The following QRICH1 variants were observed in gnomAD, a reference collection of about 807,000 sequenced individuals.
QRICH1 encodes the protein glutamine rich 1, also known as transcriptional regulator QRICH1.
In QRICH1, 16 loss-of-function variants were observed where a neutral mutation model predicts 87.1. That is an observed-to-expected ratio of 0.18 (90% CI 0.12 to 0.28). The LOEUF is 0.28. Among genes scored for constraint, QRICH1 ranks in the 10% least tolerant of loss-of-function variants. The pLI is 1.00. For missense variants in QRICH1, 647 were observed against 951.7 expected, an observed-to-expected ratio of 0.68 and a Z score of 4.21; for synonymous variants, 367 against 368.4, an observed-to-expected ratio of 1.00 and a Z score of 0.05.
chr3:49,086,277 G>T (rs1248206035), intron 1 of QRICH1, among the ~76,000 whole-genome samples: 2 of 144,272 alleles, frequency 1.4e-5, no homozygotes, highest in Non-Finnish European at 3.0e-5. Context: ...TTTTTTTTGA[G>T]ATGGAGTCTC....
intron 6 of QRICH1, among the ~76,000 whole-genome samples, chr3:49,040,433 C>T (rs1317109377): frequency 6.6e-6 from 1 of 152,158 alleles, no homozygotes; most frequent in Non-Finnish European, 1.5e-5. Flanking sequence ...TACAGCAAGA[C>T]CTTGCTCTCC....
intron 1 of QRICH1, among the ~76,000 whole-genome samples, chr3:49,092,761 A>C (rs1201483359): frequency 6.6e-6 from 1 of 152,198 alleles, no homozygotes; most frequent in East Asian, 1.9e-4. Context: ...AAAGGACTGA[A>C]ATCCTACACC....
chr3:49,062,931 C>T (rs940709202), intron 2 of QRICH1, among the ~76,000 whole-genome samples: 20 of 151,264 alleles, frequency 1.3e-4, no homozygotes, highest in Non-Finnish European at 2.4e-4. Flanking sequence ...ACCTGGGAGG[C>T]GGAGTTTGCA....
At chr3:49,071,988 G>C (rs1255910401) in intron 2 of QRICH1, among the ~76,000 whole-genome samples, 4 of 152,114 alleles carry the variant, frequency 2.6e-5, no homozygotes, top group African/African-American at 9.7e-5. Context: ...CACCATGCCT[G>C]GGCCAGCCTT....
At chr3:49,064,176 C>T (rs530426225) in intron 2 of QRICH1, among the ~76,000 whole-genome samples, 1 of 151,592 alleles carries the variant, frequency 6.6e-6, no homozygotes, top group South Asian at 2.1e-4. Flanking sequence ...GGTGATCCGC[C>T]TGCCTCGGCC....
intron 2 of QRICH1, among the ~76,000 whole-genome samples, chr3:49,066,011 A>ATGG (rs2093466356): frequency 6.6e-6 from 1 of 151,994 alleles, no homozygotes; most frequent in Non-Finnish European, 1.5e-5. Context: ...CTGGCCAGGA[A>ATGG]TGGTAGCTCA....
At chr3:49,039,138 C>T (rs532238567) in intron 6 of QRICH1, among the ~76,000 whole-genome samples, 36 of 152,260 alleles carry the variant, frequency 2.4e-4, no homozygotes, top group Non-Finnish European at 4.6e-4. Flanking sequence ...GGGTGGATCA[C>T]CTGAGGTCAG....
intron 2 of QRICH1, among the ~76,000 whole-genome samples, chr3:49,073,234 T>C (rs1233323760): frequency 1.3e-5 from 2 of 152,118 alleles, no homozygotes; most frequent in Non-Finnish European, 2.9e-5. Flanking sequence ...AGGAGCCTGT[T>C]ATCTCACATA....
intron 1 of QRICH1, among the ~76,000 whole-genome samples, chr3:49,080,349 C>CA (rs1459291994): frequency 6.6e-6 from 1 of 151,356 alleles, no homozygotes; most frequent in Non-Finnish European, 1.5e-5. Context: ...TTTTAAGGTA[C>CA]AAAAGTAAAG....
chr3:49,072,395 G>A (rs1470526008), intron 2 of QRICH1, among the ~76,000 whole-genome samples: 1 of 151,976 alleles, frequency 6.6e-6, no homozygotes, highest in Non-Finnish European at 1.5e-5. Flanking sequence ...TGTTGGTGGT[G>A]TGCGCCTGTG....
At chr3:49,053,557 T>C (rs1559935223) in intron 3 of QRICH1, among the ~76,000 whole-genome samples, 1 of 149,394 alleles carries the variant, frequency 6.7e-6, no homozygotes, top group Non-Finnish European at 1.5e-5. Flanking sequence ...GATAAAAACA[T>C]ACTTGCTGGT....
chr3:49,090,892 T>A (rs1324030901), intron 1 of QRICH1, among the ~76,000 whole-genome samples: 3 of 152,144 alleles, frequency 2.0e-5, no homozygotes, highest in African/African-American at 7.2e-5. Flanking sequence ...ACTTAAAACA[T>A]CTGGAACAAA....
chr3:49,030,281 A>T lies in QRICH1; in HGVS notation c.*171T>A. ...AGGAGTCTGCCGCAGCAGGTTTATG[A>T]AGATGCAAAGGGGGCAAAGTTTTCT... On this transcript the variant is annotated 3_prime_UTR_variant, in exon 10 of 10. Transcript: ENST00000395443. 1 of 639,872 alleles carries T rather than the reference A, an allele frequency of 1.6e-6. No homozygotes were observed. The highest frequency in any genetic ancestry group is 2.6e-6 in the Non-Finnish European group (1 of 384,860). The allele number at this position is 639,872 out of a possible 1,614,324, so 39.6% of individuals were successfully genotyped here.
At chr3:49,070,342 A>G (rs1042828026) in intron 2 of QRICH1, among the ~76,000 whole-genome samples, 3 of 151,032 alleles carry the variant, frequency 2.0e-5, no homozygotes, top group African/African-American at 7.3e-5. Context: ...CTGGCCTTTC[A>G]TCACCTAATT....
At chr3:49,035,654 A>G (rs1295240380) in intron 6 of QRICH1, among the ~76,000 whole-genome samples, 5 of 151,906 alleles carry the variant, frequency 3.3e-5, no homozygotes, top group African/African-American at 1.2e-4. Context: ...ACCTTAAAAA[A>G]AAAAACAAAA....
chr3:49,078,341 C>T (rs2041991265), intron 1 of QRICH1, among the ~76,000 whole-genome samples: 1 of 150,126 alleles, frequency 6.7e-6, no homozygotes, highest in Non-Finnish European at 1.5e-5. Context: ...TCATATATAC[C>T]TGCTGCATTT....
Position 49,057,802 on chromosome 3 carries a change from A to G in QRICH1, c.398T>C (p.Ile133Thr), listed in dbSNP as rs2093411975. The change falls in exon 3 of 10, where the codon ATC becomes ACC. Residue 133 changes from isoleucine (I) to threonine (T), a missense_variant. By Grantham distance (89) the Ile-to-Thr change is moderately conservative. Around this residue, in one of 7 missense-constraint regions of QRICH1, gnomAD observed 156 missense variants for 164.5 expected, o/e 0.95. Coordinates refer to ENST00000395443, the MANE Select transcript of QRICH1 (RefSeq NM_198880.3). This position sits in a 1 kb window ranked among gnomAD's most constrained non-coding sequence, Gnocchi z 5.4. Reference protein sequence around the residue: ...LTVHQPTEQPIQVQVQIQGQA... With the variant: ...LTVHQPTEQPTQVQVQIQGQA... ...GCCTTGGATCTGCACCTGGACCTGG[A>G]TGGGTTGCTCAGTAGGCTGGTGAAC... 1 of 1,614,050 alleles carries G rather than the reference A, an allele frequency of 6.2e-7. No homozygotes were observed. The highest frequency in any genetic ancestry group is 1.3e-5 in the African/African-American group (1 of 74,998).
At chr3:49,082,712 G>C (rs1257813475) in intron 1 of QRICH1, among the ~76,000 whole-genome samples, 1 of 151,722 alleles carries the variant, frequency 6.6e-6, no homozygotes, top group Non-Finnish European at 1.5e-5. Flanking sequence ...TGGCTAACAC[G>C]GTGAAACCCT....
rs947364306 is a variant in QRICH1, at chr3:49,048,644, C to T, written c.1339-1398G>A. ...TCTACTAAAATACAAAAAAATCAGC[C>T]GGGTGTGGTGGCGGGCGCCTGTAGT... is the stretch of plus-strand genomic sequence containing the variant. On this transcript the variant is annotated intron_variant, in intron 3 of 9. Transcript: ENST00000395443. Among the ~76,000 whole-genome samples, 14 of 150,398 alleles carry T rather than the reference C, an allele frequency of 9.3e-5. No individual in the cohort carries two copies. In the Middle Eastern group the frequency reaches 0.01, roughly 110 times the overall value.
Sources: gnomAD v4.1 joint callset for allele counts (sites outside exome capture counted in the v4.1 genomes callset) on GRCh38, gnomAD v4.1.1 for gene constraint, gnomAD v4.1.1 regional missense constraint, Gnocchi (gnomAD v3.1) non-coding constraint, MANE v1.5 for transcripts, NCBI Gene and HGNC (gene_info 2026-07-23, HGNC 2026-07-21) for gene names.